The following ANO1 variants were observed in gnomAD, a reference collection of about 807,000 sequenced individuals.
The protein encoded by ANO1 is anoctamin-1.
In ANO1, 59 loss-of-function variants were observed where a neutral mutation model predicts 124.0. The observed-to-expected ratio is 0.48, with a 90% confidence interval of 0.39 to 0.59. The LOEUF is 0.59. Among genes scored for constraint, ANO1 ranks in the 20% least tolerant of loss-of-function variants. The pLI is 0.00. For synonymous variants in ANO1, 529 were observed against 532.0 expected, an observed-to-expected ratio of 0.99 and a Z score of 0.08; for missense variants, 1,059 against 1,328.0, an observed-to-expected ratio of 0.80 and a Z score of 3.15.
At chr11:70,132,661 C>G (rs2046807119) in intron 11 of ANO1, among the ~76,000 whole-genome samples, 1 of 152,202 alleles carries the variant, frequency 6.6e-6, no homozygotes, top group African/African-American at 2.4e-5. Flanking sequence ...ATTCCCTAAC[C>G]CCAGTCCTAC....
Position 70,088,092 on chromosome 11 carries a change from T to TCTCACTGCG in ANO1, c.441+10_441+18dup. ...CTGGAGCGGGACGAGGACGTAACTATCTCACTGCGCGCTGTTTGTGGGGGG... is the reference window on the plus strand; with the variant it reads ...CTGGAGCGGGACGAGGACGTAACTATCTCACTGCGCTCACTGCGCGCTGTTTGTGGGGGG... On this transcript the variant is annotated intron_variant, in intron 2 of 25. Transcript: ENST00000355303. 1 of 836,114 alleles carries TCTCACTGCG rather than the reference T, an allele frequency of 1.2e-6. No homozygotes were observed. The highest frequency in any genetic ancestry group is 1.5e-6 in the Non-Finnish European group (1 of 680,978). The allele number at this position is 836,114 out of a possible 1,614,324, so 51.8% of individuals were successfully genotyped here.
the ANO1 span, among the ~76,000 whole-genome samples, chr11:69,978,240 C>T: frequency 2.0e-5 from 3 of 152,192 alleles, no homozygotes; most frequent in Non-Finnish European, 4.4e-5. Context: ...ACCTCGGGTC[C>T]GACGAAAACA....
At chr11:69,998,445 A>T (rs1345874110) in intron 1 of ANO1, among the ~76,000 whole-genome samples, 1 of 152,126 alleles carries the variant, frequency 6.6e-6, no homozygotes. Flanking sequence ...TTTGGTGTTC[A>T]TGAGTAGTAT....
intron 11 of ANO1, among the ~76,000 whole-genome samples, chr11:70,140,545 A>AG (rs2047115870): frequency 6.6e-6 from 1 of 151,882 alleles, no homozygotes; most frequent in Non-Finnish European, 1.5e-5. Context: ...GAAAAAAAAA[A>AG]GAAGAAGAAG....
At chr11:70,113,136 C>G (rs1431524457) in intron 7 of ANO1, among the ~76,000 whole-genome samples, 1 of 152,002 alleles carries the variant, frequency 6.6e-6, no homozygotes, top group Non-Finnish European at 1.5e-5. Flanking sequence ...CACCCCACCC[C>G]AGGCGGACAG....
At chr11:70,147,404 G>A (rs1354065627) in intron 11 of ANO1, among the ~76,000 whole-genome samples, 2 of 152,184 alleles carry the variant, frequency 1.3e-5, no homozygotes, top group Non-Finnish European at 2.9e-5. Context: ...AGGGTCAGGG[G>A]CCCTGGGGGT....
chr11:70,122,215 C>G (rs2046317702), intron 8 of ANO1, among the ~76,000 whole-genome samples: 1 of 115,164 alleles, frequency 8.7e-6, no homozygotes, highest in African/African-American at 3.4e-5. Flanking sequence ...GCCTCTGTCT[C>G]TGTCTCTCTC....
chr11:70,015,896 G>A (rs79630849), intron 1 of ANO1: 11,836 of 152,476 alleles, frequency 0.078, 1,535 homozygotes, highest in African/African-American at 0.26. Context: ...CCACACAGCC[G>A]TGAGCAATGC....
chr11:70,110,190 T>C (rs1452877698), intron 6 of ANO1, among the ~76,000 whole-genome samples: 7 of 146,330 alleles, frequency 4.8e-5, no homozygotes. Context: ...CTTTCTTTTT[T>C]TTTTTTTTTT....
intron 23 of ANO1, 50 bp from the exon 24 acceptor site, chr11:70,182,452 C>T: frequency 6.9e-7 from 1 of 1,445,744 alleles, no homozygotes; most frequent in Non-Finnish European, 9.2e-7. Flanking sequence ...GCGGCCGGCC[C>T]TTCTGCGCCC....
At chr11:69,975,974 C>A in the ANO1 span, among the ~76,000 whole-genome samples, 2 of 152,326 alleles carry the variant, frequency 1.3e-5, no homozygotes, top group Admixed American at 1.3e-4. Flanking sequence ...GTCCTCTGCG[C>A]CCTGGGGTGC....
At chr11:70,025,153 C>G (rs568859454) in intron 1 of ANO1, among the ~76,000 whole-genome samples, 1 of 152,342 alleles carries the variant, frequency 6.6e-6, no homozygotes, top group African/African-American at 2.4e-5. Flanking sequence ...CCATGCCCAG[C>G]TCTTCTCCTT....
intron 1 of ANO1, among the ~76,000 whole-genome samples, chr11:69,999,128 G>A (rs1554998834): frequency 6.6e-6 from 1 of 152,074 alleles, no homozygotes. Context: ...TTGGCTCACG[G>A]TTCTGCAGGC....
chr11:69,987,474 C>A (rs72931779), intron 1 of ANO1, among the ~76,000 whole-genome samples: 1 of 152,066 alleles, frequency 6.6e-6, no homozygotes, highest in East Asian at 1.9e-4. Flanking sequence ...CTGATGGCAC[C>A]AAGATTAGAA....
At position 70,111,211 on chromosome 11, in the gene ANO1, G is replaced by A. The variant is rs72941226; in HGVS notation, c.800-496G>A. ...AGTATGGTAAGTGTGGGCCTCCTCC[G>A]GCTTTCCCAATCAACCTAAAATCTA... On this transcript the variant is annotated intron_variant, in intron 6 of 25. Coordinates refer to ENST00000355303, the MANE Select transcript of ANO1 (RefSeq NM_018043.7). 4,035 of 457,818 alleles carry A rather than the reference G, an allele frequency of 8.8e-3. 27 individuals carry two copies. The highest frequency in any genetic ancestry group is 0.013 in the Non-Finnish European group (2,930 of 228,214). 28.4% of individuals were successfully genotyped at this position (457,818 alleles called of 1,614,324 possible).
intron 14 of ANO1, among the ~76,000 whole-genome samples, chr11:70,153,430 AG>A (rs2047680611): frequency 6.6e-6 from 1 of 152,246 alleles, no homozygotes; most frequent in Non-Finnish European, 1.5e-5. Context: ...ATGTATCCTG[AG>A]GGTGATCTCA....
intron 6 of ANO1, among the ~76,000 whole-genome samples, chr11:70,109,875 C>T (rs567443160): frequency 1.7e-4 from 26 of 151,866 alleles, no homozygotes; most frequent in Admixed American, 2.6e-4. Flanking sequence ...CACCTGGTGA[C>T]GGGGCAGATA....
intron 19 of ANO1, 43 bp downstream of exon 19, chr11:70,163,383 G>A (rs2048130412): frequency 6.2e-7 from 1 of 1,607,592 alleles, no homozygotes; most frequent in African/African-American, 1.3e-5. Context: ...CTTCTGTCTT[G>A]CTTACGATTT....
intron 1 of ANO1, among the ~76,000 whole-genome samples, chr11:69,990,985 A>G (rs1323767601): frequency 6.6e-6 from 1 of 152,160 alleles, no homozygotes; most frequent in Non-Finnish European, 1.5e-5. Flanking sequence ...CAACTTACCT[A>G]CGTTTTCTTT....
Sources: allele counts gnomAD v4.1 joint callset (sites outside exome capture counted in the v4.1 genomes callset), GRCh38; gene constraint gnomAD v4.1.1; transcripts MANE v1.5; gene names NCBI Gene and HGNC (gene_info 2026-07-23, HGNC 2026-07-21).